The following PPARGC1A variants were observed in gnomAD, a reference collection of about 807,000 sequenced individuals.
PPARGC1A encodes the protein peroxisome proliferator-activated receptor gamma coactivator 1-alpha.
A neutral mutation model predicts 88.7 loss-of-function variants in PPARGC1A; 25 were observed. The ratio of observed to expected loss-of-function variants is 0.28; its 90% confidence interval spans 0.21 to 0.39. The LOEUF is 0.39. Among genes scored for constraint, PPARGC1A ranks in the 10% least tolerant of loss-of-function variants. PPARGC1A has a pLI of 1.00. For synonymous variants in PPARGC1A, 363 were observed against 355.6 expected (o/e 1.02, Z -0.24); for missense variants, 880 against 968.7 (o/e 0.91, Z 1.22).
At chr4:23,901,645 C>G (rs1000223514), upstream of PPARGC1A, among the ~76,000 whole-genome samples, 1 of 151,792 alleles carries the variant, frequency 6.6e-6, no homozygotes, top group African/African-American at 2.4e-5. Flanking sequence ...AGAGGAACCA[C>G]AAAGTATCAA....
the PPARGC1A span, among the ~76,000 whole-genome samples, chr4:24,352,597 G>T: frequency 6.6e-6 from 1 of 152,144 alleles, no homozygotes; most frequent in Non-Finnish European, 1.5e-5. Context: ...CTGAGGACTC[G>T]GTTCAAAAGC....
the PPARGC1A span, among the ~76,000 whole-genome samples, chr4:24,333,269 AAT>A: frequency 5.3e-5 from 8 of 152,250 alleles, no homozygotes; most frequent in East Asian, 1.5e-3. Context: ...GTGTAATAGG[AAT>A]ATGAGCTAAT....
At chr4:24,180,072 C>T in the PPARGC1A span, among the ~76,000 whole-genome samples, 1 of 152,080 alleles carries the variant, frequency 6.6e-6, no homozygotes, top group East Asian at 1.9e-4. Context: ...ATGACTGTGT[C>T]GACTCTGACT....
At chr4:24,243,604 G>T in the PPARGC1A span, among the ~76,000 whole-genome samples, 2 of 152,190 alleles carry the variant, frequency 1.3e-5, no homozygotes, top group East Asian at 3.8e-4. Context: ...AAAGAGTAGG[G>T]TTTTTGCCAA....
the PPARGC1A span, among the ~76,000 whole-genome samples, chr4:23,940,240 C>T: frequency 6.6e-6 from 1 of 152,190 alleles, no homozygotes; most frequent in Non-Finnish European, 1.5e-5. Context: ...CAACCCTGGT[C>T]TTGAGAAACT....
the PPARGC1A span, among the ~76,000 whole-genome samples, chr4:24,347,478 G>T: frequency 6.6e-6 from 1 of 152,148 alleles, no homozygotes; most frequent in East Asian, 1.9e-4. Flanking sequence ...ACATTTTCCT[G>T]TTGGACAAGG....
chr4:23,863,938 G>C (rs886997558), intron 2 of PPARGC1A, among the ~76,000 whole-genome samples: 3 of 152,120 alleles, frequency 2.0e-5, no homozygotes, highest in African/African-American at 7.2e-5. Context: ...GTGCAGACAG[G>C]GTTTCTCTAG....
the PPARGC1A span, among the ~76,000 whole-genome samples, chr4:24,177,738 T>G: frequency 6.6e-6 from 1 of 150,854 alleles, no homozygotes; most frequent in Non-Finnish European, 1.5e-5. Context: ...GTACCAGTCA[T>G]TCAATAAGAG....
the PPARGC1A span, among the ~76,000 whole-genome samples, chr4:24,367,272 G>C: frequency 6.6e-6 from 1 of 152,168 alleles, no homozygotes; most frequent in Non-Finnish European, 1.5e-5. Context: ...TCCACCATCA[G>C]AGAAATGTAC....
the PPARGC1A span, among the ~76,000 whole-genome samples, chr4:23,941,309 T>A: frequency 6.6e-6 from 1 of 152,204 alleles, no homozygotes; most frequent in Non-Finnish European, 1.5e-5. Context: ...TCTCCTGCTT[T>A]GGCCTCCCAA....
At chr4:24,370,810 A>G in the PPARGC1A span, among the ~76,000 whole-genome samples, 1 of 136,122 alleles carries the variant, frequency 7.3e-6, no homozygotes, top group South Asian at 2.3e-4. Flanking sequence ...CATGTGCAGA[A>G]CATGCAGGTT....
the PPARGC1A span, among the ~76,000 whole-genome samples, chr4:24,277,618 A>G: frequency 1.3e-5 from 2 of 152,192 alleles, no homozygotes; most frequent in African/African-American, 4.8e-5. Flanking sequence ...ACTCCATGAA[A>G]TACAATCCAG....
intron 2 of PPARGC1A, among the ~76,000 whole-genome samples, chr4:23,852,903 A>C (rs1314679657): frequency 1.3e-5 from 2 of 152,172 alleles, no homozygotes; most frequent in Non-Finnish European, 2.9e-5. Context: ...AATTATTTCA[A>C]CTTCCAGCTA....
Position 23,805,979 on chromosome 4 carries a change from A to G in PPARGC1A, c.2020-3634T>C, listed in dbSNP as rs753045223. ...GCTTTATACGAAGTTGTATGCAACAACGATCCCATACAAAATATAAACCAG... is the reference window on the plus strand; with the variant it reads ...GCTTTATACGAAGTTGTATGCAACAGCGATCCCATACAAAATATAAACCAG... On this transcript the variant is annotated intron_variant, in intron 10 of 12. Coordinates refer to ENST00000264867, the MANE Select transcript of PPARGC1A (RefSeq NM_013261.5). Among the ~76,000 whole-genome samples, 48 of 152,194 alleles carry G rather than the reference A, an allele frequency of 3.2e-4. 1 individual carries two copies. Among genetic ancestry groups the G allele is most frequent in the Admixed American group, 3.9e-4 (6 of 15,280 alleles).
the PPARGC1A span, among the ~76,000 whole-genome samples, chr4:24,372,599 C>T: frequency 6.6e-6 from 1 of 152,174 alleles, no homozygotes; most frequent in South Asian, 2.1e-4. Flanking sequence ...TTAGTCTTAT[C>T]CAGAGAACGG....
chr4:23,897,655 T>TGA (rs1553905831), intron 1 of PPARGC1A, among the ~76,000 whole-genome samples: 1 of 151,892 alleles, frequency 6.6e-6, no homozygotes, highest in East Asian at 1.9e-4. Flanking sequence ...GCGCTCAGTG[T>TGA]TGCTGAAAGA....
the PPARGC1A span, among the ~76,000 whole-genome samples, chr4:23,937,375 G>A: frequency 6.6e-6 from 1 of 152,042 alleles, no homozygotes; most frequent in Non-Finnish European, 1.5e-5. Flanking sequence ...GGAAATTGGG[G>A]CAGAAAGTTC....
intron 2 of PPARGC1A, among the ~76,000 whole-genome samples, chr4:23,872,638 C>A (rs1006516311): frequency 7.2e-5 from 11 of 152,188 alleles, no homozygotes; most frequent in Non-Finnish European, 1.6e-4. Context: ...CTCAAACAGA[C>A]AGCTTATCTT....
the PPARGC1A span, among the ~76,000 whole-genome samples, chr4:24,457,481 T>C: frequency 6.6e-6 from 1 of 152,164 alleles, no homozygotes; most frequent in African/African-American, 2.4e-5. Context: ...ATAGTCAACA[T>C]TCCTCTTCTC....
Sources: allele counts gnomAD v4.1 joint callset (sites outside exome capture counted in the v4.1 genomes callset), GRCh38; gene constraint gnomAD v4.1.1; transcripts MANE v1.5; gene names NCBI Gene and HGNC (gene_info 2026-07-23, HGNC 2026-07-21).